WRN: variants seen among roughly 807,000 people sequenced by gnomAD.
WRN encodes the protein WRN RecQ like helicase.
In WRN, 149 loss-of-function variants were observed where a neutral mutation model predicts 180.7. That is an observed-to-expected ratio of 0.82 (90% CI 0.72 to 0.94). The LOEUF (loss-of-function observed/expected upper bound fraction) is 0.94, where lower values mean the gene tolerates loss of function less well. WRN is among the 40% of genes least tolerant of loss of function. The probability of loss-of-function intolerance (pLI) is 0.00; values close to 1 mark genes in which losing one functional copy is unlikely to be tolerated. For missense variants in WRN, 1,661 were observed against 1,700.1 expected (o/e 0.98, Z 0.40); for synonymous variants, 548 against 568.9 (o/e 0.96, Z 0.52).
Position 31,175,148 on chromosome 8 carries a change from T to A in WRN, c.*2046T>A, listed in dbSNP as rs1430948028. Among the ~76,000 whole-genome samples the A allele has an allele frequency of 6.6e-6, 1 of 152,072 alleles. No individual in the cohort carries two copies. Among genetic ancestry groups the A allele is most frequent in the African/African-American group, 2.4e-5 (1 of 41,430 alleles). On this transcript the variant is annotated 3_prime_UTR_variant, in exon 35 of 35. Transcript: ENST00000298139. ...ACTAATATGTGATGTTAAGAAATCA[T>A]GACTGAGGCCGGGCGCGGTGGCTCA...
chr8:31,088,319 T>G (rs1218924281), intron 12 of WRN, among the ~76,000 whole-genome samples: 3 of 152,260 alleles, frequency 2.0e-5, no homozygotes, highest in African/African-American at 7.2e-5. Flanking sequence ...GGAAAGTGAC[T>G]TGGGTAGAGC....
At chr8:31,147,930 C>T (rs1013084561) in intron 30 of WRN, among the ~76,000 whole-genome samples, 1 of 144,702 alleles carries the variant, frequency 6.9e-6, no homozygotes, top group Non-Finnish European at 1.5e-5. Flanking sequence ...CTGTGTTGCC[C>T]AGGCTGGAGT....
At chr8:31,170,004 C>T (rs1229421181) in intron 34 of WRN, among the ~76,000 whole-genome samples, 2 of 152,150 alleles carry the variant, frequency 1.3e-5, no homozygotes, top group African/African-American at 4.8e-5. Context: ...ATCTGTCTTT[C>T]CAGTGTATGC....
At chr8:31,061,817 G>A (rs564116125) in intron 3 of WRN, among the ~76,000 whole-genome samples, 3 of 152,254 alleles carry the variant, frequency 2.0e-5, no homozygotes, top group South Asian at 4.2e-4. Context: ...TTACCTTTGT[G>A]TAAGTCCGTC....
intron 1 of WRN, among the ~76,000 whole-genome samples, chr8:31,048,365 G>C (rs1206286828): frequency 6.6e-6 from 1 of 152,110 alleles, no homozygotes; most frequent in East Asian, 1.9e-4. Context: ...GTTTTTCTCT[G>C]TTTTCCTCTA....
chr8:31,111,761 T>C lies in WRN; in HGVS notation c.2235T>C (p.Asn745=). 6.2e-7 allele frequency: 1 copy of C among 1,614,048 alleles called. No homozygotes were observed. Among genetic ancestry groups the C allele is most frequent in the Non-Finnish European group, 8.5e-7 (1 of 1,179,980 alleles). Reference sequence around the variant, plus strand: ...TAGAAGTTAGGCGAAAAACAGGGAATATCCTTCAGGATCTGCAGCCATTTC... The same window carrying C: ...TAGAAGTTAGGCGAAAAACAGGGAACATCCTTCAGGATCTGCAGCCATTTC... The part of the protein sequence containing the change: ...LYLEVRRKTG[N]ILQDLQPFLV... Residue 745 remains asparagine (N), a synonymous_variant, in exon 19 of 35, where the codon AAT becomes AAC. Coordinates refer to ENST00000298139, the MANE Select transcript of WRN (RefSeq NM_000553.6).
At position 31,175,352 on chromosome 8, in the gene WRN, T is replaced by C. The variant is rs1804246143; in HGVS notation, c.*2250T>C. ...CGGGAGGCTGAGGCAGGAGAATCGC[T>C]TGAACTCAGGAGGCGGAGATTGCAG... On this transcript the variant is annotated 3_prime_UTR_variant, in exon 35 of 35. Coordinates refer to ENST00000298139, the MANE Select transcript of WRN (RefSeq NM_000553.6). Among the ~76,000 whole-genome samples, 1 of 152,084 alleles carries C rather than the reference T, an allele frequency of 6.6e-6. No individual in the cohort carries two copies. Among genetic ancestry groups the C allele is most frequent in the African/African-American group, 2.4e-5 (1 of 41,404 alleles).
At chr8:31,161,415 T>C (rs1163109713) in intron 33 of WRN, among the ~76,000 whole-genome samples, 1 of 152,214 alleles carries the variant, frequency 6.6e-6, no homozygotes, top group Non-Finnish European at 1.5e-5. Flanking sequence ...CTGTACGGTA[T>C]AGCTCCTGTC....
At chr8:31,157,682 T>G (rs2130482311) in intron 33 of WRN, 152 bp downstream of exon 33, 2 of 1,235,230 alleles carry the variant, frequency 1.6e-6, no homozygotes, top group East Asian at 5.1e-5. Context: ...GAAAACAATC[T>G]TTCTTCCCAT....
chr8:31,129,267 C>A (rs905289022), intron 23 of WRN, among the ~76,000 whole-genome samples: 3 of 152,234 alleles, frequency 2.0e-5, no homozygotes, highest in African/African-American at 7.2e-5. Context: ...TAGGCATGAG[C>A]CATCACGCTT....
intron 23 of WRN, among the ~76,000 whole-genome samples, chr8:31,126,510 C>T (rs1480877699): frequency 1.3e-5 from 2 of 152,078 alleles, no homozygotes; most frequent in African/African-American, 4.8e-5. Flanking sequence ...AAATTTATAG[C>T]ATTAAATACC....
In WRN at chr8:31,150,388, G is replaced by A. The variant is rs1403156520; in HGVS notation, c.3620G>A (p.Gly1207Asp). 1 of 1,613,992 alleles carries A rather than the reference G, an allele frequency of 6.2e-7. No homozygotes were observed. The highest frequency in any genetic ancestry group is 8.5e-7 in the Non-Finnish European group (1 of 1,180,028). Reference protein sequence around the residue: ...NVKRIDGVSEGKAAMLAPLLE... With the variant: ...NVKRIDGVSEDKAAMLAPLLE... ...AAAAGGATTGATGGTGTTTCTGAAG[G>A]CAAAGCTGCCATGTTGGCCCCTCTG... Residue 1207 changes from glycine (G) to aspartate (D), a missense_variant, in exon 31 of 35, where the codon GGC becomes GAC. By Grantham distance (94) the Gly-to-Asp change is moderately conservative (BLOSUM62 -1). Transcript: ENST00000298139.
chr8:31,143,926 A>G (rs1802761513), intron 28 of WRN, among the ~76,000 whole-genome samples: 1 of 152,204 alleles, frequency 6.6e-6, no homozygotes, highest in South Asian at 2.1e-4. Context: ...GCCATTTTAT[A>G]GTTGAAGATA....
intron 18 of WRN, among the ~76,000 whole-genome samples, chr8:31,109,293 A>G (rs897289221): frequency 3.3e-5 from 5 of 152,230 alleles, no homozygotes; most frequent in Non-Finnish European, 7.3e-5. Context: ...ACGAAGTACT[A>G]TTAATTTTTA....
At position 31,088,936 on chromosome 8, in the gene WRN, G is replaced by T; in HGVS notation, c.1623G>T (p.Lys541Asn). 1 of 1,611,412 alleles carries T rather than the reference G, an allele frequency of 6.2e-7. No homozygotes were observed. The change falls in exon 13 of 35, where the codon AAG becomes AAT. Residue 541 changes from lysine to asparagine, a missense_variant. This residue lies in a region of WRN where 1,141 missense variants were observed against 1,149.4 expected (regional missense o/e 0.99). Transcript: ENST00000298139. ...APNEEQVTCLKMYFGHSSFKP... is the reference protein window; with the variant it reads ...APNEEQVTCLNMYFGHSSFKP... ...ATGAAGAGCAAGTTACTTGCCTCAA[G>T]ATGTACTTTGGCCATTCCAGTTTTA...
rs769600792 is a variant in WRN at position 31,100,902 on chromosome 8, G to A, written c.2035G>A (p.Asp679Asn). ...EAHCISEWGH[D>N]FRDSFRKLGS... ...TCACTGTATTTCTGAGTGGGGGCAT[G>A]ATTTTAGGGATTCATTCAGGAAGTT... The change falls in exon 18 of 35, where the codon GAT (aspartate) becomes AAT (asparagine). Residue 679 changes from aspartate to asparagine, a missense_variant. By Grantham distance (23) the Asp-to-Asn change is conservative. Coordinates refer to ENST00000298139, the MANE Select transcript of WRN (RefSeq NM_000553.6). 1.2e-6 allele frequency: 2 copies of A among 1,614,032 alleles called. No individual in the cohort carries two copies. The highest frequency in any genetic ancestry group is 1.1e-5 in the South Asian group (1 of 91,066).
At chr8:31,049,698 C>T (rs1255234173) in intron 1 of WRN, among the ~76,000 whole-genome samples, 1 of 151,970 alleles carries the variant, frequency 6.6e-6, no homozygotes, top group Non-Finnish European at 1.5e-5. Flanking sequence ...ATTTATATAT[C>T]TTATCTAATT....
chr8:31,104,294 C>A (rs1420827092), intron 18 of WRN, among the ~76,000 whole-genome samples: 2 of 152,116 alleles, frequency 1.3e-5, no homozygotes, highest in Non-Finnish European at 2.9e-5. Flanking sequence ...TTTTAATTTG[C>A]ATTTCTCTCA....
intron 34 of WRN, among the ~76,000 whole-genome samples, chr8:31,169,444 A>G (rs1280806454): frequency 5.3e-5 from 8 of 151,498 alleles, no homozygotes; most frequent in Non-Finnish European, 1.2e-4. Context: ...TTTCCCCCTC[A>G]GTTTTGAACT....
Sources: allele counts gnomAD v4.1 joint callset (sites outside exome capture counted in the v4.1 genomes callset), GRCh38; gene constraint gnomAD v4.1.1; regional missense constraint gnomAD v4.1.1; transcripts MANE v1.5; gene names NCBI Gene and HGNC (gene_info 2026-07-23, HGNC 2026-07-21).